Variants in FHIT observed in about 807,000 individuals in gnomAD.
The protein encoded by FHIT is fragile histidine triad diadenosine triphosphatase.
FHIT carries 19 observed loss-of-function variants against 17.9 expected under a neutral mutation model. The observed-to-expected ratio is 1.06, with a 90% CI of 0.74 to 1.56. The LOEUF (loss-of-function observed/expected upper bound fraction) is 1.56, where lower values mean the gene tolerates loss of function less well. Ranked by LOEUF, FHIT falls within the 40% of genes most tolerant of loss-of-function variation. FHIT has a pLI of 0.00. For synonymous variants in FHIT, 81 were observed against 69.7 expected (o/e 1.16, Z -0.81); for missense variants, 248 against 189.2 (o/e 1.31, Z -1.82).
chr3:61,069,424 C>T (rs372369571), intron 2 of FHIT, among the ~76,000 whole-genome samples: 1 of 152,194 alleles, frequency 6.6e-6, no homozygotes, highest in Non-Finnish European at 1.5e-5. Context: ...GGGCATTGTG[C>T]TTTTCCCCCA....
chr3:60,574,771 T>C (rs1553656972), intron 4 of FHIT, among the ~76,000 whole-genome samples: 2 of 151,992 alleles, frequency 1.3e-5, no homozygotes, highest in African/African-American at 4.8e-5. Flanking sequence ...TCCCTGCTCA[T>C]CTCCTTTCAG....
intron 8 of FHIT, among the ~76,000 whole-genome samples, chr3:59,888,741 T>C (rs969140716): frequency 2.2e-4 from 34 of 152,318 alleles, no homozygotes; most frequent in African/African-American, 8.2e-4. Flanking sequence ...GACTCAGAGT[T>C]TGGCTTTGTG....
chr3:60,624,192 A>G (rs1161675006), intron 4 of FHIT, among the ~76,000 whole-genome samples: 2 of 152,218 alleles, frequency 1.3e-5, no homozygotes, highest in African/African-American at 2.4e-5. Flanking sequence ...ACGTATGCAG[A>G]GAAGTCCATG....
At chr3:61,040,193 T>C (rs1026793666) in intron 3 of FHIT, among the ~76,000 whole-genome samples, 25 of 152,356 alleles carry the variant, frequency 1.6e-4, no homozygotes, top group African/African-American at 2.4e-4. Context: ...AGTTAGATTA[T>C]TGTATATGAC....
intron 5 of FHIT, among the ~76,000 whole-genome samples, chr3:60,351,763 C>A (rs986293364): frequency 6.6e-6 from 1 of 152,142 alleles, no homozygotes; most frequent in African/African-American, 2.4e-5. Context: ...CGCAAGGAAA[C>A]CAGTCAGTCA....
At chr3:60,435,301 A>G (rs1405423998) in intron 5 of FHIT, among the ~76,000 whole-genome samples, 1 of 152,140 alleles carries the variant, frequency 6.6e-6, no homozygotes, top group African/African-American at 2.4e-5. Context: ...CTAACTTTTA[A>G]ATGACTTAGT....
intron 7 of FHIT, among the ~76,000 whole-genome samples, chr3:59,937,037 C>A (rs1054871138): frequency 1.3e-4 from 20 of 152,110 alleles, no homozygotes; most frequent in African/African-American, 4.8e-4. Flanking sequence ...AAACGGTCAC[C>A]CCAAAGTAAC....
intron 5 of FHIT, among the ~76,000 whole-genome samples, chr3:60,032,965 A>C (rs1701063364): frequency 6.6e-6 from 1 of 152,194 alleles, no homozygotes; most frequent in Non-Finnish European, 1.5e-5. Flanking sequence ...AGTAACACTA[A>C]AGGGAAGCAA....
intron 2 of FHIT, among the ~76,000 whole-genome samples, chr3:61,154,892 A>G (rs946717810): frequency 1.3e-5 from 2 of 152,176 alleles, no homozygotes; most frequent in African/African-American, 4.8e-5. Context: ...CCAATTCAAT[A>G]GCTTATCTAT....
intron 1 of FHIT, among the ~76,000 whole-genome samples, chr3:61,232,683 T>C (rs931422704): frequency 1.3e-5 from 2 of 152,274 alleles, no homozygotes; most frequent in African/African-American, 2.4e-5. Flanking sequence ...AGTCAAAATA[T>C]GTAGTAGGCC....
At chr3:60,578,317 G>C (rs1319792262) in intron 4 of FHIT, among the ~76,000 whole-genome samples, 2 of 151,772 alleles carry the variant, frequency 1.3e-5, no homozygotes, top group African/African-American at 4.8e-5. Context: ...TGCACTTGTA[G>C]TCCCAGCTAC....
chr3:60,505,075 G>A (rs2034673449), intron 5 of FHIT, among the ~76,000 whole-genome samples: 1 of 141,414 alleles, frequency 7.1e-6, no homozygotes, highest in African/African-American at 2.9e-5. Context: ...TGTCAAAGAT[G>A]TATTTTTTTT....
intron 7 of FHIT, among the ~76,000 whole-genome samples, chr3:59,931,710 C>T (rs541293445): frequency 6.6e-6 from 1 of 152,200 alleles, no homozygotes; most frequent in South Asian, 2.1e-4. Flanking sequence ...GAAAACACCT[C>T]CTAGAATTTG....
intron 3 of FHIT, among the ~76,000 whole-genome samples, chr3:60,886,254 T>C (rs1276594813): frequency 1.3e-5 from 2 of 152,204 alleles, no homozygotes; most frequent in South Asian, 2.1e-4. Flanking sequence ...CAAGCAAATA[T>C]GATCCCTCCC....
At chr3:60,432,651 G>T (rs115875760) in intron 5 of FHIT, among the ~76,000 whole-genome samples, 1 of 152,008 alleles carries the variant, frequency 6.6e-6, no homozygotes, top group African/African-American at 2.4e-5. Context: ...CAATTGAGAA[G>T]GGTCATAGGA....
intron 5 of FHIT, among the ~76,000 whole-genome samples, chr3:60,513,988 T>C (rs574220636): frequency 2.6e-5 from 4 of 152,202 alleles, no homozygotes; most frequent in African/African-American, 4.8e-5. Context: ...GGAGACTAGG[T>C]TGGGGAGAAG....
chr3:60,098,113 C>A (rs79882272), intron 5 of FHIT, among the ~76,000 whole-genome samples: 1 of 141,938 alleles, frequency 7.0e-6, no homozygotes, highest in Non-Finnish European at 1.5e-5. Context: ...TCCAGTCTAT[C>A]CTTGTTGGAC....
At chr3:60,064,936 CACTT>C (rs1342405954) in intron 5 of FHIT, among the ~76,000 whole-genome samples, 1 of 152,174 alleles carries the variant, frequency 6.6e-6, no homozygotes, top group Non-Finnish European at 1.5e-5. Flanking sequence ...AAAGATATAA[CACTT>C]ACCCTACTCA....
At chr3:60,886,237 G>T (rs2107150393) in intron 3 of FHIT, among the ~76,000 whole-genome samples, 1 of 152,310 alleles carries the variant, frequency 6.6e-6, no homozygotes, top group Admixed American at 6.5e-5. Context: ...TTGCCAAGCA[G>T]AGCACACAAG....
Sources: allele counts gnomAD v4.1 joint callset (sites outside exome capture counted in the v4.1 genomes callset), GRCh38; gene constraint gnomAD v4.1.1; transcripts MANE v1.5; gene names NCBI Gene and HGNC (gene_info 2026-07-23, HGNC 2026-07-21).